Variants in SPIDR observed in about 807,000 individuals in gnomAD.
SPIDR encodes DNA repair-scaffolding protein.
Under a neutral mutation model 104.6 loss-of-function variants are expected in SPIDR, and 93 were observed. The ratio of observed to expected loss-of-function variants is 0.89; its 90% CI spans 0.75 to 1.06. SPIDR has a LOEUF of 1.06. Ranked by LOEUF, SPIDR falls within the 50% of genes least tolerant of loss-of-function variation. The pLI, the probability that SPIDR is intolerant of heterozygous loss-of-function variation, is 0.00. For synonymous variants in SPIDR, 431 were observed against 416.9 expected (o/e 1.03, Z -0.41); for missense variants, 1,154 against 1,111.2 (o/e 1.04, Z -0.55).
At chr8:47,523,206 A>G (rs536313530) in intron 8 of SPIDR, among the ~76,000 whole-genome samples, 1 of 152,110 alleles carries the variant, frequency 6.6e-6, no homozygotes, top group South Asian at 2.1e-4. Flanking sequence ...GAACTTTAAT[A>G]CTACTTTGGT....
intron 8 of SPIDR, among the ~76,000 whole-genome samples, chr8:47,494,140 C>T (rs2079106840): frequency 6.6e-6 from 1 of 151,930 alleles, no homozygotes; most frequent in South Asian, 2.1e-4. Flanking sequence ...ACCCATGTGC[C>T]ACCATGCCTG....
chr8:47,422,591 C>G (rs1346125699), intron 7 of SPIDR, among the ~76,000 whole-genome samples: 4 of 152,242 alleles, frequency 2.6e-5, no homozygotes, highest in African/African-American at 9.6e-5. Flanking sequence ...CTTCGGCTCA[C>G]GCTCTTTGTG....
chr8:47,348,371 G>T (rs559023778), intron 5 of SPIDR, among the ~76,000 whole-genome samples: 12 of 152,238 alleles, frequency 7.9e-5, no homozygotes, highest in African/African-American at 2.6e-4. Flanking sequence ...CTCTCTGGCT[G>T]CCCTTAACAT....
intron 1 of SPIDR, among the ~76,000 whole-genome samples, chr8:47,278,798 T>C (rs1375870803): frequency 1.3e-5 from 2 of 152,194 alleles, no homozygotes; most frequent in African/African-American, 4.8e-5. Flanking sequence ...ATAATAATTA[T>C]ACGGCATTTA....
chr8:47,274,608 C>T (rs1165069163), intron 1 of SPIDR, among the ~76,000 whole-genome samples: 1 of 150,550 alleles, frequency 6.6e-6, no homozygotes, highest in Non-Finnish European at 1.5e-5. Context: ...GATGGAGTCT[C>T]GCTCTATCAC....
intron 5 of SPIDR, among the ~76,000 whole-genome samples, chr8:47,315,624 C>T (rs1766751147): frequency 6.6e-6 from 1 of 152,090 alleles, no homozygotes; most frequent in South Asian, 2.1e-4. Context: ...ACTTAAATTT[C>T]CTTATTTCAA....
At chr8:47,270,902 A>G (rs2154214305) in intron 1 of SPIDR, among the ~76,000 whole-genome samples, 1 of 152,196 alleles carries the variant, frequency 6.6e-6, no homozygotes, top group East Asian at 1.9e-4. Flanking sequence ...ATTTCATTCT[A>G]TTATTGTCTA....
intron 8 of SPIDR, among the ~76,000 whole-genome samples, chr8:47,478,624 C>T (rs782224728): frequency 4.6e-5 from 7 of 152,178 alleles, no homozygotes; most frequent in Non-Finnish European, 1.0e-4. Flanking sequence ...TTCATATGAA[C>T]ACACAGTCAC....
intron 8 of SPIDR, among the ~76,000 whole-genome samples, chr8:47,561,575 A>G (rs1022554446): frequency 2.6e-5 from 4 of 152,154 alleles, no homozygotes; most frequent in African/African-American, 9.7e-5. Flanking sequence ...TTTTAAATCC[A>G]TTGGCTTTTT....
chr8:47,278,433 C>T (rs2037041534), intron 1 of SPIDR, among the ~76,000 whole-genome samples: 1 of 151,888 alleles, frequency 6.6e-6, no homozygotes, highest in Non-Finnish European at 1.5e-5. Flanking sequence ...AATCCTCCTA[C>T]CACAGCCTCC....
intron 7 of SPIDR, among the ~76,000 whole-genome samples, chr8:47,429,629 A>T (rs962006175): frequency 1.8e-4 from 27 of 152,276 alleles, no homozygotes; most frequent in Non-Finnish European, 3.4e-4. Flanking sequence ...CACAGAGTGC[A>T]GGAATAGCCC....
At chr8:47,654,531 T>A (rs1029958690) in intron 10 of SPIDR, among the ~76,000 whole-genome samples, 7 of 152,200 alleles carry the variant, frequency 4.6e-5, no homozygotes, top group African/African-American at 1.7e-4. Context: ...TAGCTCTGTA[T>A]TCATTGGCCT....
At chr8:47,576,439 C>CCACACCTGGCCATAAA in intron 8 of SPIDR, among the ~76,000 whole-genome samples, 1 of 152,084 alleles carries the variant, frequency 6.6e-6, no homozygotes, top group Non-Finnish European at 1.5e-5. Context: ...GCATGAGCCA[C>CCACACCTGGCCATAAA]TGGACCCAGC....
chr8:47,462,289 C>T (rs1413736437), intron 8 of SPIDR, among the ~76,000 whole-genome samples: 4 of 152,178 alleles, frequency 2.6e-5, no homozygotes, highest in African/African-American at 9.7e-5. Context: ...TCTCTGCCAA[C>T]GATACCAACA....
At chr8:47,726,956 T>C (rs2084336032) in intron 16 of SPIDR, among the ~76,000 whole-genome samples, 1 of 152,164 alleles carries the variant, frequency 6.6e-6, no homozygotes, top group Non-Finnish European at 1.5e-5. Context: ...TGGAAAAATA[T>C]CCCAACAAAA....
chr8:47,389,736 C>T (rs910759177), intron 5 of SPIDR, among the ~76,000 whole-genome samples: 16 of 151,198 alleles, frequency 1.1e-4, no homozygotes, highest in African/African-American at 3.2e-4. Context: ...AAAATTTCGC[C>T]CAAGTACATT....
intron 5 of SPIDR, among the ~76,000 whole-genome samples, chr8:47,360,449 G>T (rs528445264): frequency 6.6e-6 from 1 of 152,096 alleles, no homozygotes; most frequent in African/African-American, 2.4e-5. Context: ...CAAGTTGTTT[G>T]TCATTGATCT....
intron 1 of SPIDR, among the ~76,000 whole-genome samples, chr8:47,263,284 T>C (rs548635934): frequency 1.3e-5 from 2 of 152,232 alleles, no homozygotes; most frequent in African/African-American, 4.8e-5. Context: ...ATTTATCTTA[T>C]AGGTAAACTA....
intron 10 of SPIDR, among the ~76,000 whole-genome samples, chr8:47,605,447 A>G (rs2062816214): frequency 6.6e-6 from 1 of 152,234 alleles, no homozygotes. Context: ...TTGTTGATGC[A>G]TACGAGGATG....
Sources: gnomAD v4.1 joint callset for allele counts (sites outside exome capture counted in the v4.1 genomes callset) on GRCh38, gnomAD v4.1.1 for gene constraint, MANE v1.5 for transcripts, NCBI Gene and HGNC (gene_info 2026-07-23, HGNC 2026-07-21) for gene names.